Variants in GPATCH3 observed in about 807,000 individuals in gnomAD.
The protein encoded by GPATCH3 is G patch domain-containing protein 3.
A neutral mutation model predicts 53.2 loss-of-function variants in GPATCH3; 45 were observed. The observed-to-expected ratio is 0.85, with a 90% CI of 0.67 to 1.08. GPATCH3 has a LOEUF of 1.08. GPATCH3 is among the 50% of genes least tolerant of loss of function. GPATCH3 has a pLI of 0.00. For synonymous variants in GPATCH3, 280 were observed against 270.6 expected (o/e 1.03, Z -0.34); for missense variants, 680 against 687.2 (o/e 0.99, Z 0.12).
Position 26,891,105 on chromosome 1 carries a change from G to A in GPATCH3, c.1483C>T (p.Arg495Cys), listed in dbSNP as rs773657220. ...LPQDQTESLL[R>C]RQPPTSMKFR... ...TTCATGCTGGTGGGTGGCTGGCGGC[G>A]GAGCAGTGACTCCGTCTGGTCTTGG... Residue 495 changes from arginine (R) to cysteine (C), a missense_variant, in exon 7 of 7, where the codon CGC becomes TGC. Coordinates refer to ENST00000361720, the MANE Select transcript of GPATCH3 (RefSeq NM_022078.3). The A allele has an allele frequency of 2.0e-5, 33 of 1,614,038 alleles. 2 individuals carry two copies. The highest frequency in any genetic ancestry group is 9.9e-5 in the South Asian group (9 of 91,084).
chr1:26,897,544 T>C lies in GPATCH3; in HGVS notation c.633A>G (p.Leu211=). 6.2e-7 allele frequency: 1 copy of C among 1,613,846 alleles called. No homozygotes were observed. Among genetic ancestry groups the C allele is most frequent in the Non-Finnish European group, 8.5e-7 (1 of 1,179,972 alleles). ...GCAGCTGGGTGATGATCCGAGGGGGTAGGCGGCAGGCCCGGATCAACTCCA... is the reference window on the plus strand; with the variant it reads ...GCAGCTGGGTGATGATCCGAGGGGGCAGGCGGCAGGCCCGGATCAACTCCA... ...VFLELIRACR[L]PPRIITQLQL... is the part of the protein sequence containing the mutation. The change falls in exon 2 of 7, where the codon CTA becomes CTG. Residue 211 remains leucine (L), a synonymous_variant. Coordinates refer to ENST00000361720, the MANE Select transcript of GPATCH3 (RefSeq NM_022078.3).
intron 4 of GPATCH3, 42 bp downstream of exon 4, chr1:26,893,347 G>C (rs373083526): frequency 6.7e-7 from 1 of 1,481,816 alleles, no homozygotes; most frequent in South Asian, 1.1e-5. Flanking sequence ...CAAGGCCAGG[G>C]CACCTGTTTC....
At chr1:26,899,929 C>A in intron 1 of GPATCH3, 63 bp downstream of exon 1, 1 of 1,465,738 alleles carries the variant, frequency 6.8e-7, no homozygotes, top group East Asian at 2.3e-5. Context: ...CCTCACCACT[C>A]CTCTGAAAAG....
In GPATCH3 at chr1:26,900,122, C is replaced by A. The variant is rs757861817; in HGVS notation, c.321G>T (p.Ser107=). 2.5e-6 allele frequency: 4 copies of A among 1,614,174 alleles called. No individual in the cohort carries two copies. ...TCTGAGCTTGAGCCAACCCCCTTAC[C>A]GAGATGACGCAGCAGCAGGTGCGGG... ...IQTRTCCCVI[S]VRGLAQAQRL... is the part of the protein sequence containing the mutation. Residue 107 remains serine, a synonymous_variant, in exon 1 of 7, where the codon TCG becomes TCT. Coordinates refer to ENST00000361720, the MANE Select transcript of GPATCH3 (RefSeq NM_022078.3).
intron 1 of GPATCH3, among the ~76,000 whole-genome samples, chr1:26,898,903 G>C (rs1405429099): frequency 6.6e-6 from 1 of 152,092 alleles, no homozygotes; most frequent in Non-Finnish European, 1.5e-5. Context: ...GAGCTCAAGA[G>C]ATCCACCCAC....
rs1237035406 is a variant in GPATCH3, at chr1:26,892,703, T to C, written c.1200A>G (p.Glu400=). 6.2e-7 allele frequency: 1 copy of C among 1,614,150 alleles called. No individual in the cohort carries two copies. The highest frequency in any genetic ancestry group is 8.5e-7 in the Non-Finnish European group (1 of 1,180,030). Reference sequence around the variant, plus strand: ...GGCGCTCAAAGGTGCCCACCTGGCGTTCGATCACAGAGCCATCTTCCTGTC... The same window carrying C: ...GGCGCTCAAAGGTGCCCACCTGGCGCTCGATCACAGAGCCATCTTCCTGTC... The part of the protein sequence containing the change: ...RDGQEDGSVI[E]RQVGTFERHT... The change falls in exon 5 of 7, where the codon GAA becomes GAG. Residue 400 remains glutamate (E), a synonymous_variant. Transcript: ENST00000361720.
intron 2 of GPATCH3, among the ~76,000 whole-genome samples, chr1:26,896,507 C>A (rs933118782): frequency 2.8e-5 from 4 of 144,476 alleles, no homozygotes; most frequent in Admixed American, 1.4e-4. Flanking sequence ...CTGGTTAACA[C>A]GGTGAAACCC....
chr1:26,894,459 CCGAGGGAGGGAAGCTCAGGGCACAGGAGG>C (rs1278006619), intron 2 of GPATCH3, 49 bp from the exon 3 acceptor site: 1 of 1,574,226 alleles, frequency 6.4e-7, no homozygotes, highest in Admixed American at 1.7e-5. Context: ...ACCTCATGCC[CCGAGGGAGGGAAGCTCAGGGCACAGGAGG>C]CATGTGTGGC....
At position 26,897,544 on chromosome 1, in the gene GPATCH3, T is replaced by A; in HGVS notation, c.633A>T (p.Leu211=). The part of the protein sequence containing the change: ...VFLELIRACR[L]PPRIITQLQL... ...GCAGCTGGGTGATGATCCGAGGGGG[T>A]AGGCGGCAGGCCCGGATCAACTCCA... Residue 211 remains leucine (L), a synonymous_variant, in exon 2 of 7, where the codon CTA becomes CTT. Coordinates refer to ENST00000361720, the MANE Select transcript of GPATCH3 (RefSeq NM_022078.3). 6.2e-7 allele frequency: 1 copy of A among 1,613,846 alleles called. No individual in the cohort carries two copies. The highest frequency in any genetic ancestry group is 8.5e-7 in the Non-Finnish European group (1 of 1,179,972).
intron 2 of GPATCH3, 94 bp downstream of exon 2, chr1:26,897,207 A>G: frequency 7.9e-7 from 1 of 1,258,038 alleles, no homozygotes; most frequent in South Asian, 1.4e-5. Flanking sequence ...CCCCAGGTTA[A>G]GAACCCTTGT....
intron 1 of GPATCH3, among the ~76,000 whole-genome samples, chr1:26,899,310 C>A (rs2081964306): frequency 6.6e-6 from 1 of 152,182 alleles, no homozygotes. Flanking sequence ...AACAACAGCT[C>A]CTATCTCATA....
At chr1:26,895,510 C>T in intron 2 of GPATCH3, among the ~76,000 whole-genome samples, 1 of 127,800 alleles carries the variant, frequency 7.8e-6, no homozygotes, top group African/African-American at 3.0e-5. Context: ...GACAATAGAA[C>T]CAGAGCCTGC....
chr1:26,893,551 G>A, intron 3 of GPATCH3, 103 bp from the exon 4 acceptor site: 1 of 386,180 alleles, frequency 2.6e-6, no homozygotes, highest in Non-Finnish European at 4.1e-6. Flanking sequence ...TTTTTTTTTT[G>A]AGACAGAATC....
rs377480001 is a variant in GPATCH3, at chr1:26,890,884, C to G, written c.*126G>C. The G allele has an allele frequency of 1.1e-6, 1 of 936,344 alleles. No individual in the cohort carries two copies. The highest frequency in any genetic ancestry group is 1.6e-5 in the African/African-American group (1 of 61,982). The allele number at this position is 936,344 out of a possible 1,614,324, so 58.0% of individuals were successfully genotyped here. A position where few individuals can be genotyped will look rare whatever the true frequency, so the allele number is the denominator to read the frequency against. On this transcript the variant is annotated 3_prime_UTR_variant, in exon 7 of 7. Transcript: ENST00000361720. ...TATAGAACCGGCAGGCAGGCAGGCT[C>G]GGAACAAAACACCCTGAACCAGCCA...
chr1:26,890,953 TGAGGCCAGGGCA>T lies in GPATCH3; in HGVS notation c.*45_*56del, dbSNP rs2124012738. 1 of 1,490,608 alleles carries T rather than the reference TGAGGCCAGGGCA, an allele frequency of 6.7e-7. No individual in the cohort carries two copies. The highest frequency in any genetic ancestry group is 2.3e-5 in the East Asian group (1 of 44,268). The allele number at this position is 1,490,608 out of a possible 1,614,324, so 92.3% of individuals were successfully genotyped here. A position where few individuals can be genotyped will look rare whatever the true frequency, so the allele number is the denominator to read the frequency against. ...GACTCCTTTCTGCTTCAGTGGTAGA[TGAGGCCAGGGCA>T]GAGGGTTTTCATCATGTAGCTATGA... On this transcript the variant is annotated 3_prime_UTR_variant, in exon 7 of 7. Transcript: ENST00000361720.
In GPATCH3 at chr1:26,891,083, A is replaced by C; in HGVS notation, c.1505T>G (p.Met502Arg). The C allele has an allele frequency of 6.2e-7, 1 of 1,614,092 alleles. No homozygotes were observed. Among genetic ancestry groups the C allele is most frequent in the Non-Finnish European group, 8.5e-7 (1 of 1,180,012 alleles). ...AAAGGCCATGTCTGTCCGAAACTTC[A>C]TGCTGGTGGGTGGCTGGCGGCGGAG... ...SLLRRQPPTS[M>R]KFRTDMAFVR... Residue 502 changes from methionine to arginine, a missense_variant, in exon 7 of 7, where the codon ATG becomes AGG. Met to Arg is a moderately conservative substitution (Grantham distance 91). Coordinates refer to ENST00000361720, the MANE Select transcript of GPATCH3 (RefSeq NM_022078.3).
intron 3 of GPATCH3, 130 bp from the exon 4 acceptor site, chr1:26,893,578 T>C (rs973155940): frequency 6.0e-6 from 4 of 663,726 alleles, no homozygotes; most frequent in South Asian, 5.0e-5. Context: ...TGGAGTGCAG[T>C]GGCATGACCT....
At chr1:26,895,488 C>T (rs1306521315) in intron 2 of GPATCH3, among the ~76,000 whole-genome samples, 1 of 134,680 alleles carries the variant, frequency 7.4e-6, no homozygotes, top group Non-Finnish European at 1.5e-5. Flanking sequence ...TGCACTACTG[C>T]ATTCCAGCCA....
Position 26,890,924 on chromosome 1 carries a change from C to A in GPATCH3, c.*86G>T. The A allele has an allele frequency of 1.6e-6, 2 of 1,268,254 alleles. No homozygotes were observed. Among genetic ancestry groups the A allele is most frequent in the Non-Finnish European group, 2.3e-6 (2 of 866,030 alleles). 78.6% of individuals were successfully genotyped at this position (1,268,254 alleles called of 1,614,324 possible). On this transcript the variant is annotated 3_prime_UTR_variant, in exon 7 of 7. Transcript: ENST00000361720. ...TGAACCAGCCACGAAGACTGCTGCT[C>A]CCAGACTCCTTTCTGCTTCAGTGGT...
Sources: gnomAD v4.1 joint callset for allele counts (sites outside exome capture counted in the v4.1 genomes callset) on GRCh38, gnomAD v4.1.1 for gene constraint, MANE v1.5 for transcripts, NCBI Gene and HGNC (gene_info 2026-07-23, HGNC 2026-07-21) for gene names.